Variants in SIDT1 observed in about 807,000 individuals in gnomAD.
SIDT1 encodes the protein SID1 transmembrane family, member 1.
Under a neutral mutation model 107.5 loss-of-function variants are expected in SIDT1, and 101 were observed. The ratio of observed to expected loss-of-function variants is 0.94; its 90% CI spans 0.80 to 1.11. SIDT1 has a LOEUF of 1.11. SIDT1 is among the 50% of genes least tolerant of loss of function. The pLI is 0.00. For synonymous variants in SIDT1, 395 were observed against 398.2 expected (o/e 0.99, Z 0.10); for missense variants, 1,076 against 1,058.2 (o/e 1.02, Z -0.23).
intron 9 of SIDT1, among the ~76,000 whole-genome samples, chr3:113,591,779 TC>T (rs1944173280): frequency 6.6e-6 from 1 of 152,182 alleles, no homozygotes; most frequent in African/African-American, 2.4e-5. Flanking sequence ...GCTCAACAAT[TC>T]CACTCCTAGC....
chr3:113,556,821 C>CTTTTCTT (rs781070933), intron 1 of SIDT1, among the ~76,000 whole-genome samples: 4 of 107,660 alleles, frequency 3.7e-5, no homozygotes, highest in East Asian at 5.8e-4. Flanking sequence ...GTTTCTTTTT[C>CTTTTCTT]TTTTTTTTTT....
intron 1 of SIDT1, among the ~76,000 whole-genome samples, chr3:113,542,257 A>G (rs1367149521): frequency 1.3e-5 from 2 of 151,982 alleles, no homozygotes; most frequent in Non-Finnish European, 2.9e-5. Flanking sequence ...ATGTGATGTA[A>G]CTTTTGAATA....
At chr3:113,635,975 A>G in the SIDT1 span, among the ~76,000 whole-genome samples, 1 of 152,206 alleles carries the variant, frequency 6.6e-6, no homozygotes, top group Non-Finnish European at 1.5e-5. Flanking sequence ...GTATAATGAT[A>G]ATGGTGATAA....
At chr3:113,600,528 T>C (rs531990700) in intron 10 of SIDT1, among the ~76,000 whole-genome samples, 1 of 152,162 alleles carries the variant, frequency 6.6e-6, no homozygotes, top group East Asian at 1.9e-4. Context: ...TAAAAGACTG[T>C]CCTACACAGT....
chr3:113,600,728 A>G (rs1944899442), intron 10 of SIDT1, among the ~76,000 whole-genome samples: 1 of 152,264 alleles, frequency 6.6e-6, no homozygotes, highest in East Asian at 1.9e-4. Flanking sequence ...GATCTCTCAT[A>G]CTTAACAGTC....
chr3:113,578,698 A>C (rs576116396), intron 4 of SIDT1, among the ~76,000 whole-genome samples: 52 of 152,176 alleles, frequency 3.4e-4, no homozygotes, highest in African/African-American at 1.2e-3. Flanking sequence ...AACCTAAAAA[A>C]TAAAAAATTA....
chr3:113,556,566 A>G (rs1940877731), intron 1 of SIDT1, among the ~76,000 whole-genome samples: 2 of 152,194 alleles, frequency 1.3e-5, no homozygotes, highest in South Asian at 4.1e-4. Flanking sequence ...CACAATGAGA[A>G]TTTAAAGAGT....
In SIDT1 at chr3:113,623,732, AG is replaced by A; in HGVS notation, c.2307+1del. ...YFFFQNLSSWEGTPAESREKN... is the reference protein window; with the variant it reads ...YFFFQNLSSWXGTPAESREKN... ...TTCTTCCAGAATCTCAGCAGCTGGGAGGTAAGAGGCCAGTTTTCTTATCCAA... is the reference window on the plus strand; with the variant it reads ...TTCTTCCAGAATCTCAGCAGCTGGGAGTAAGAGGCCAGTTTTCTTATCCAA... On this transcript the variant is annotated frameshift_variant and splice_region_variant, in exon 23 of 25. Transcript: ENST00000264852. LOFTEE classifies it high-confidence loss of function. 6.2e-7 allele frequency: 1 copy of A among 1,609,076 alleles called. No individual in the cohort carries two copies. Among genetic ancestry groups the A allele is most frequent in the Non-Finnish European group, 8.5e-7 (1 of 1,175,730 alleles).
At chr3:113,559,928 A>G (rs747356884) in intron 1 of SIDT1, among the ~76,000 whole-genome samples, 1 of 152,008 alleles carries the variant, frequency 6.6e-6, no homozygotes, top group Non-Finnish European at 1.5e-5. Context: ...TCTTCATTTC[A>G]TAGTAGAATA....
At chr3:113,604,840 TA>T (rs1945205834) in intron 13 of SIDT1, 69 bp from the exon 14 acceptor site, 1 of 1,566,682 alleles carries the variant, frequency 6.4e-7, no homozygotes. Flanking sequence ...AGCATTCTTT[TA>T]AAAATATTAA....
chr3:113,541,111 A>AATATATATATATATAT (rs10534213), intron 1 of SIDT1, among the ~76,000 whole-genome samples: 1 of 149,164 alleles, frequency 6.7e-6, no homozygotes, highest in African/African-American at 2.5e-5. Context: ...TCTTAGTTCT[A>AATATATATATATATAT]ATATATATAT....
chr3:113,592,903 A>C (rs1339202892), intron 9 of SIDT1, 102 bp from the exon 10 acceptor site: 4 of 953,330 alleles, frequency 4.2e-6, no homozygotes, highest in Non-Finnish European at 6.9e-6. Flanking sequence ...CATGTTTTGA[A>C]GAGATCCTAG....
chr3:113,561,738 C>A (rs1941447843), intron 1 of SIDT1, among the ~76,000 whole-genome samples: 1 of 152,172 alleles, frequency 6.6e-6, no homozygotes, highest in African/African-American at 2.4e-5. Context: ...TCTGCCAAGT[C>A]AGAAACGCTG....
At chr3:113,625,761 T>G (rs544666084) in intron 23 of SIDT1, among the ~76,000 whole-genome samples, 1 of 152,342 alleles carries the variant, frequency 6.6e-6, no homozygotes, top group South Asian at 2.1e-4. Context: ...CCCTTACAGT[T>G]CTTTCAGCTC....
chr3:113,635,248 C>G, the SIDT1 span, among the ~76,000 whole-genome samples: 1 of 152,200 alleles, frequency 6.6e-6, no homozygotes, highest in Non-Finnish European at 1.5e-5. Flanking sequence ...ATAATTCCAG[C>G]ATTTGCGGAG....
At chr3:113,619,873 T>C in intron 21 of SIDT1, 147 bp downstream of exon 21, 1 of 700,552 alleles carries the variant, frequency 1.4e-6, no homozygotes, top group Non-Finnish European at 2.5e-6. Context: ...AAAAAGGTAG[T>C]AGGACATTCT....
chr3:113,588,479 G>A (rs182574728), intron 9 of SIDT1, among the ~76,000 whole-genome samples: 1 of 152,208 alleles, frequency 6.6e-6, no homozygotes, highest in Non-Finnish European at 1.5e-5. Context: ...TATGGGGTTT[G>A]TAGTACGTGC....
At chr3:113,573,823 AT>A (rs1311617681) in intron 3 of SIDT1, among the ~76,000 whole-genome samples, 1 of 152,216 alleles carries the variant, frequency 6.6e-6, no homozygotes, top group Admixed American at 6.5e-5. Flanking sequence ...GAAATAATAG[AT>A]TTCCATTCTT....
intron 3 of SIDT1, among the ~76,000 whole-genome samples, chr3:113,575,408 T>C (rs929202072): frequency 1.3e-4 from 20 of 152,224 alleles, no homozygotes; most frequent in African/African-American, 4.8e-4. Flanking sequence ...CCCAGACTGC[T>C]GAAAGGGCTC....
Sources: allele counts gnomAD v4.1 joint callset (sites outside exome capture counted in the v4.1 genomes callset), GRCh38; gene constraint gnomAD v4.1.1; transcripts MANE v1.5; gene names NCBI Gene and HGNC (gene_info 2026-07-23, HGNC 2026-07-21).